Variants in FMNL2 observed in about 807,000 individuals in gnomAD.
FMNL2 encodes the protein formin like 2.
A neutral mutation model predicts 130.2 loss-of-function variants in FMNL2; 51 were observed. That is an observed-to-expected ratio of 0.39 (90% CI 0.31 to 0.49). The LOEUF is 0.49. Among genes scored for constraint, FMNL2 ranks in the 20% least tolerant of loss-of-function variants. The pLI is 0.85. For synonymous variants in FMNL2, 465 were observed against 467.1 expected, an observed-to-expected ratio of 1.00 and a Z score of 0.06; for missense variants, 977 against 1,316.2, an observed-to-expected ratio of 0.74 and a Z score of 3.99.
intron 25 of FMNL2, among the ~76,000 whole-genome samples, chr2:152,647,560 T>A (rs541147690): frequency 6.6e-6 from 1 of 152,240 alleles, no homozygotes; most frequent in Non-Finnish European, 1.5e-5. Flanking sequence ...AAATAATCTA[T>A]GTATTTTTCT....
In FMNL2 at chr2:152,390,207, A is replaced by G. The variant is rs896845026; in HGVS notation, c.117+54487A>G. The G allele has an allele frequency of 9.1e-6, 13 of 1,429,654 alleles. No homozygotes were observed. The African/African-American group carries it at 1.5e-4, about 17-fold the overall frequency. 88.6% of individuals were successfully genotyped at this position (1,429,654 alleles called of 1,614,324 possible). ...GGACCTGGTGGTCCCTTTCCGTGTA[A>G]ACTTCCGGCTGAAAGGGAAGGACAT... On this transcript the variant is annotated intron_variant, in intron 1 of 25. Coordinates refer to ENST00000288670, the MANE Select transcript of FMNL2 (RefSeq NM_052905.4).
intron 1 of FMNL2, among the ~76,000 whole-genome samples, chr2:152,471,325 T>G (rs1689848844): frequency 6.6e-6 from 1 of 152,206 alleles, no homozygotes; most frequent in African/African-American, 2.4e-5. Context: ...CAAATCAGTT[T>G]TTTACAAAAC....
chr2:152,496,779 C>A (rs942444264), intron 1 of FMNL2, among the ~76,000 whole-genome samples: 3 of 152,080 alleles, frequency 2.0e-5, no homozygotes, highest in Non-Finnish European at 4.4e-5. Context: ...TTATATTGCT[C>A]AAATTGTTCC....
At chr2:152,548,669 A>G (rs1393978420) in intron 3 of FMNL2, among the ~76,000 whole-genome samples, 1 of 152,176 alleles carries the variant, frequency 6.6e-6, no homozygotes, top group East Asian at 1.9e-4. Context: ...AGCCACGGGT[A>G]TGACTGTATG....
At chr2:152,484,726 C>T (rs1351461023) in intron 1 of FMNL2, among the ~76,000 whole-genome samples, 1 of 152,220 alleles carries the variant, frequency 6.6e-6, no homozygotes, top group African/African-American at 2.4e-5. Context: ...GGTGCCCCTG[C>T]ACTCCAGCCT....
chr2:152,478,457 C>G (rs7580023), intron 1 of FMNL2, among the ~76,000 whole-genome samples: 18,891 of 151,744 alleles, frequency 0.12, 1,476 homozygotes, highest in Middle Eastern at 0.3. Context: ...AGGCTGGTCT[C>G]AAACTCCTGA....
chr2:152,394,609 GA>G (rs1251331082), intron 1 of FMNL2, among the ~76,000 whole-genome samples: 2 of 141,996 alleles, frequency 1.4e-5, no homozygotes, highest in South Asian at 2.2e-4. Flanking sequence ...GTTGTTCTCT[GA>G]AAAAAAAATT....
intron 1 of FMNL2, among the ~76,000 whole-genome samples, chr2:152,442,755 C>G (rs888625259): frequency 2.6e-5 from 4 of 152,180 alleles, no homozygotes; most frequent in Admixed American, 1.3e-4. Flanking sequence ...TGAAGGCTTT[C>G]CAATCAGGAG....
chr2:152,486,987 A>G (rs1690864831), intron 1 of FMNL2, among the ~76,000 whole-genome samples: 1 of 152,238 alleles, frequency 6.6e-6, no homozygotes, highest in African/African-American at 2.4e-5. Flanking sequence ...TTAATTTAAT[A>G]GGCAGTTGGG....
chr2:152,438,855 C>G (rs1046372026), intron 1 of FMNL2, among the ~76,000 whole-genome samples: 3 of 152,148 alleles, frequency 2.0e-5, no homozygotes, highest in Non-Finnish European at 1.5e-5. Flanking sequence ...TTACTTGATA[C>G]TCTTTCATAA....
At chr2:152,400,734 T>A (rs892711313) in intron 1 of FMNL2, among the ~76,000 whole-genome samples, 21 of 152,176 alleles carry the variant, frequency 1.4e-4, no homozygotes, top group African/African-American at 4.8e-4. Flanking sequence ...GGATGCTGAG[T>A]GGCACCCCTG....
At chr2:152,354,923 T>G (rs1682700597) in intron 1 of FMNL2, among the ~76,000 whole-genome samples, 1 of 152,214 alleles carries the variant, frequency 6.6e-6, no homozygotes, top group Admixed American at 6.5e-5. Context: ...AGCCTTAATT[T>G]TTGTATTTTA....
rs73968071 is a variant in FMNL2 at position 152,557,252 on chromosome 2, A to G, written c.360-1488A>G. 7.4e-3 allele frequency among the ~76,000 whole-genome samples: 1,121 copies of G among 152,284 alleles called. 6 individuals are homozygous for G. The highest frequency in any genetic ancestry group is 0.025 in the African/African-American group (1,033 of 41,562). On this transcript the variant is annotated intron_variant, in intron 4 of 25. Transcript: ENST00000288670. ...TTGAAATGAAACTTCAGCCTCCACC[A>G]GTAGCCAGCCCTGTTAGTTTTGTCT...
At position 152,342,730 on chromosome 2, in the gene FMNL2, A is replaced by G. The variant is rs76522771; in HGVS notation, c.117+7010A>G. On this transcript the variant is annotated intron_variant, in intron 1 of 25. Coordinates refer to ENST00000288670, the MANE Select transcript of FMNL2 (RefSeq NM_052905.4). ...CTATGCAGTTTCCAACTGATAGCAT[A>G]TAATTTGGAAGCAATGTCTAAGGGA... is the stretch of plus-strand genomic sequence containing the variant. Among the ~76,000 whole-genome samples the G allele has an allele frequency of 5.8e-4, 89 of 152,330 alleles. No homozygotes were observed. The East Asian group carries it at 9.1e-3, about 15-fold the overall frequency.
intron 22 of FMNL2, among the ~76,000 whole-genome samples, chr2:152,637,012 C>T (rs773780270): frequency 7.2e-5 from 11 of 152,242 alleles, no homozygotes; most frequent in Middle Eastern, 3.4e-3. Flanking sequence ...ATGAACAGTA[C>T]GCTATCAGAA....
intron 3 of FMNL2, among the ~76,000 whole-genome samples, chr2:152,545,108 C>T (rs898873935): frequency 6.6e-6 from 1 of 152,158 alleles, no homozygotes; most frequent in Admixed American, 6.5e-5. Context: ...GGATTAACCA[C>T]CCCTGCTTTA....
chr2:152,463,321 C>G (rs867159204), intron 1 of FMNL2, among the ~76,000 whole-genome samples: 6 of 152,088 alleles, frequency 3.9e-5, no homozygotes, highest in Middle Eastern at 6.8e-3. Flanking sequence ...TCACAACAGC[C>G]CTGGGAGATA....
At chr2:152,585,035 AT>A in intron 9 of FMNL2, among the ~76,000 whole-genome samples, 1 of 152,228 alleles carries the variant, frequency 6.6e-6, no homozygotes, top group Non-Finnish European at 1.5e-5. Context: ...ATGAGTCTTA[AT>A]TACATGAATA....
chr2:152,470,631 G>A (rs1045441559), intron 1 of FMNL2, among the ~76,000 whole-genome samples: 2 of 152,076 alleles, frequency 1.3e-5, no homozygotes, highest in South Asian at 2.1e-4. Context: ...GTACATAGTC[G>A]CATCAATAAA....
Sources: allele counts gnomAD v4.1 joint callset (sites outside exome capture counted in the v4.1 genomes callset), GRCh38; gene constraint gnomAD v4.1.1; transcripts MANE v1.5; gene names NCBI Gene and HGNC (gene_info 2026-07-23, HGNC 2026-07-21).